ABTB3: variants seen among roughly 807,000 people sequenced by gnomAD.
ABTB3 encodes ankyrin repeat- and BTB/POZ domain-containing protein 3.
chr12:107,518,190 G>C, the ABTB3 span, among the ~76,000 whole-genome samples: 1 of 152,162 alleles, frequency 6.6e-6, no homozygotes, highest in South Asian at 2.1e-4. Context: ...AACCATTGTG[G>C]AAGACAGTGT....
the ABTB3 span, among the ~76,000 whole-genome samples, chr12:107,348,964 G>T: frequency 6.6e-6 from 1 of 152,134 alleles, no homozygotes; most frequent in African/African-American, 2.4e-5. Flanking sequence ...AAGACCTTGG[G>T]CATGAGCATA....
chr12:107,433,296 C>CAAAAA, the ABTB3 span, among the ~76,000 whole-genome samples: 8 of 23,106 alleles, frequency 3.5e-4, no homozygotes, highest in African/African-American at 5.1e-4. Flanking sequence ...GACTCCGTCT[C>CAAAAA]AAAAAAAAAA....
the ABTB3 span, among the ~76,000 whole-genome samples, chr12:107,648,723 C>A: frequency 1.3e-5 from 2 of 152,184 alleles, no homozygotes; most frequent in African/African-American, 2.4e-5. Flanking sequence ...CCCAGAGTCA[C>A]CCTCTGGGAC....
At chr12:107,524,394 AG>A in the ABTB3 span, among the ~76,000 whole-genome samples, 1 of 152,178 alleles carries the variant, frequency 6.6e-6, no homozygotes, top group South Asian at 2.1e-4. Context: ...TCATATTCAA[AG>A]GTTGCTCAGC....
chr12:107,472,956 G>C, the ABTB3 span, among the ~76,000 whole-genome samples: 1 of 152,122 alleles, frequency 6.6e-6, no homozygotes, highest in Admixed American at 6.5e-5. Context: ...CCCACCAGGC[G>C]ACAGAAGCTG....
the ABTB3 span, chr12:107,613,006 T>C: frequency 7.3e-6 from 6 of 817,128 alleles, no homozygotes; most frequent in Admixed American, 1.3e-4. Context: ...TGTGTCCTTT[T>C]AGTTGCTGTG....
the ABTB3 span, among the ~76,000 whole-genome samples, chr12:107,456,672 T>A: frequency 6.6e-6 from 1 of 151,918 alleles, no homozygotes; most frequent in Non-Finnish European, 1.5e-5. Flanking sequence ...CCCAAAACCA[T>A]CCCCCTACCC....
At chr12:107,386,212 A>G in the ABTB3 span, among the ~76,000 whole-genome samples, 6 of 152,100 alleles carry the variant, frequency 3.9e-5, no homozygotes, top group African/African-American at 1.2e-4. Flanking sequence ...TCAATCAATC[A>G]TCCTACCTGC....
chr12:107,572,617 G>T, the ABTB3 span, among the ~76,000 whole-genome samples: 1 of 152,154 alleles, frequency 6.6e-6, no homozygotes, highest in South Asian at 2.1e-4. Flanking sequence ...GTGAGAGCCT[G>T]GAGCATGTTG....
the ABTB3 span, among the ~76,000 whole-genome samples, chr12:107,478,575 C>T: frequency 3.9e-5 from 6 of 152,294 alleles, no homozygotes; most frequent in South Asian, 1.2e-3. Context: ...TAGTGGACAA[C>T]TGCTGAACCT....
chr12:107,371,689 C>T, the ABTB3 span, among the ~76,000 whole-genome samples: 1 of 152,118 alleles, frequency 6.6e-6, no homozygotes, highest in Non-Finnish European at 1.5e-5. Flanking sequence ...GTGCAGTATA[C>T]TTGCTATATT....
the ABTB3 span, chr12:107,649,392 T>C: frequency 6.3e-6 from 6 of 952,676 alleles, no homozygotes; most frequent in Middle Eastern, 2.8e-4. Flanking sequence ...GGGTTTTCAT[T>C]TGGATGAAGA....
At chr12:107,587,578 A>G in the ABTB3 span, among the ~76,000 whole-genome samples, 2 of 152,198 alleles carry the variant, frequency 1.3e-5, no homozygotes, top group Admixed American at 6.5e-5. Context: ...ACGGTTGCAC[A>G]ACAGTGTGAA....
At chr12:107,333,028 A>G in the ABTB3 span, among the ~76,000 whole-genome samples, 2 of 152,210 alleles carry the variant, frequency 1.3e-5, no homozygotes, top group African/African-American at 4.8e-5. Context: ...GTGACCTCAC[A>G]TTTCAGCCCA....
At chr12:107,429,125 C>A in the ABTB3 span, among the ~76,000 whole-genome samples, 2 of 152,204 alleles carry the variant, frequency 1.3e-5, no homozygotes, top group African/African-American at 2.4e-5. Flanking sequence ...TCTGGCTTAA[C>A]GCACAGAAAG....
chr12:107,458,357 A>C, the ABTB3 span, among the ~76,000 whole-genome samples: 92 of 152,296 alleles, frequency 6.0e-4, no homozygotes, highest in Admixed American at 1.2e-3. Flanking sequence ...CAGACCTGGG[A>C]TTGGAGCCCA....
chr12:107,532,410 A>ATGCATG, the ABTB3 span, among the ~76,000 whole-genome samples: 81 of 152,350 alleles, frequency 5.3e-4, no homozygotes, highest in Non-Finnish European at 9.1e-4. Flanking sequence ...GCTAGTGAGG[A>ATGCATG]ACATGCAGAC....
At chr12:107,376,126 G>A in the ABTB3 span, among the ~76,000 whole-genome samples, 1 of 152,078 alleles carries the variant, frequency 6.6e-6, no homozygotes, top group Non-Finnish European at 1.5e-5. Flanking sequence ...TCTGGTATTT[G>A]CTCCCCTCCT....
the ABTB3 span, among the ~76,000 whole-genome samples, chr12:107,358,623 T>A: frequency 6.6e-6 from 1 of 152,146 alleles, no homozygotes; most frequent in East Asian, 1.9e-4. Flanking sequence ...AAGACAGCGT[T>A]TCACTCTGTC....
Sources: gnomAD v4.1 joint callset for allele counts (sites outside exome capture counted in the v4.1 genomes callset) on GRCh38, gnomAD v4.1.1 for gene constraint, MANE v1.5 for transcripts, NCBI Gene and HGNC (gene_info 2026-07-23, HGNC 2026-07-21) for gene names.